The following PGBD5 variants were observed in gnomAD, a reference collection of about 807,000 sequenced individuals.
PGBD5 encodes the protein piggyBac transposable element derived 5, also known as piggyBac transposable element-derived protein 5.
Under a neutral mutation model 47.9 loss-of-function variants are expected in PGBD5, and 14 were observed. The ratio of observed to expected loss-of-function variants is 0.29; its 90% CI spans 0.19 to 0.46. The LOEUF (loss-of-function observed/expected upper bound fraction) is 0.46. Ranked by LOEUF, PGBD5 falls within the 20% of genes least tolerant of loss-of-function variation. The pLI, the probability that PGBD5 is intolerant of heterozygous loss-of-function variation, is 1.00. For synonymous variants in PGBD5, 316 were observed against 306.3 expected (o/e 1.03, Z -0.33); for missense variants, 635 against 716.0 (o/e 0.89, Z 1.29).
At chr1:230,345,880 T>G (rs565265603) in intron 3 of PGBD5, among the ~76,000 whole-genome samples, 45 of 152,158 alleles carry the variant, frequency 3.0e-4, no homozygotes, top group Non-Finnish European at 7.3e-5. Context: ...TTTGGTAGGT[T>G]AGGTGTATTA....
At position 230,425,990 on chromosome 1, in the gene PGBD5, C is replaced by T; in HGVS notation, c.-62G>A. 1.2e-6 allele frequency: 1 copy of T among 831,016 alleles called. No individual in the cohort carries two copies. The highest frequency in any genetic ancestry group is 1.4e-6 in the Non-Finnish European group (1 of 691,898). 51.5% of individuals were successfully genotyped at this position (831,016 alleles called of 1,614,324 possible). ...GCCTCCCAGCCGCACACGCCGGGCC[C>T]TGGGCCCGCGCCGCGGCCCGCCGCC... On this transcript the variant is annotated 5_prime_UTR_variant, in exon 1 of 7. Coordinates refer to ENST00000391860, the MANE Select transcript of PGBD5 (RefSeq NM_001258311.2). The surrounding 1 kb of genome is among the most constrained non-coding windows in gnomAD (Gnocchi z 4.7).
At chr1:230,326,481 T>G (rs1256028826) in intron 5 of PGBD5, among the ~76,000 whole-genome samples, 1 of 152,136 alleles carries the variant, frequency 6.6e-6, no homozygotes, top group South Asian at 2.1e-4. Context: ...TTTTTAGATA[T>G]GAGGTCTTGC....
At chr1:230,399,061 G>C (rs1194901322) in intron 1 of PGBD5, among the ~76,000 whole-genome samples, 4 of 151,434 alleles carry the variant, frequency 2.6e-5, no homozygotes, top group Admixed American at 2.6e-4. Flanking sequence ...GTTACTAAGG[G>C]GGGGTGGCTA....
intron 1 of PGBD5, among the ~76,000 whole-genome samples, chr1:230,408,753 T>C (rs1657349659): frequency 6.6e-6 from 1 of 152,108 alleles, no homozygotes; most frequent in African/African-American, 2.4e-5. Flanking sequence ...ATGATCAAGC[T>C]CTTAGAAGAA....
At chr1:230,358,902 A>C (rs1308832136) in intron 1 of PGBD5, among the ~76,000 whole-genome samples, 1 of 152,180 alleles carries the variant, frequency 6.6e-6, no homozygotes, top group Non-Finnish European at 1.5e-5. Context: ...ATTTCTCAGA[A>C]TGTATCTCTG....
intron 3 of PGBD5, among the ~76,000 whole-genome samples, chr1:230,350,670 G>A (rs956194331): frequency 1.1e-4 from 16 of 152,168 alleles, no homozygotes; most frequent in African/African-American, 3.1e-4. Flanking sequence ...ACATTGCTAC[G>A]GCCTGAGCCT....
At chr1:230,349,979 C>T (rs768842419) in intron 3 of PGBD5, among the ~76,000 whole-genome samples, 43 of 151,558 alleles carry the variant, frequency 2.8e-4, no homozygotes, top group Admixed American at 1.0e-3. Context: ...GACATTTTCC[C>T]GGAGCAAGCG....
At chr1:230,359,072 CT>C (rs543587301) in intron 1 of PGBD5, among the ~76,000 whole-genome samples, 173 of 146,522 alleles carry the variant, frequency 1.2e-3, no homozygotes, top group Non-Finnish European at 1.9e-3. Flanking sequence ...TTTTTCTTTT[CT>C]TTTTTTTTTT....
rs1312505654 is a variant in PGBD5 at position 230,314,579 on chromosome 1, ATCTT to A, written c.*8842_*8845del. ...CCACATGACAAAATGCTTGAATTAA[ATCTT>A]TTTTTTTTTTTTTTTTTTTTTTGCC... On this transcript the variant is annotated 3_prime_UTR_variant, in exon 7 of 7. Transcript: ENST00000391860. 2.1e-3 allele frequency: 264 copies of A among 123,370 alleles called. No homozygotes were observed. Among genetic ancestry groups the A allele is most frequent in the African/African-American group, 6.9e-3 (230 of 33,334 alleles). The allele number at this position is 123,370 out of a possible 1,614,324, so 7.6% of individuals were successfully genotyped here. A position where few individuals can be genotyped will look rare whatever the true frequency, so the allele number is the denominator to read the frequency against.
Position 230,323,411 on chromosome 1 carries a change from C to T in PGBD5, c.*14G>A, listed in dbSNP as rs774164918. ...CTCTTGCCCCTCCCTTGACCGAGTC[C>T]TGCGCCCCCAGCATCAGTGGGTCGG... is the stretch of plus-strand genomic sequence containing the variant. On this transcript the variant is annotated 3_prime_UTR_variant, in exon 7 of 7. Transcript: ENST00000391860. This position sits in a 1 kb window ranked among gnomAD's most constrained non-coding sequence, Gnocchi z 4.1. 1 of 1,609,770 alleles carries T rather than the reference C, an allele frequency of 6.2e-7. No individual in the cohort carries two copies. The highest frequency in any genetic ancestry group is 8.5e-7 in the Non-Finnish European group (1 of 1,178,008).
chr1:230,372,134 T>A (rs1667938440), intron 1 of PGBD5, among the ~76,000 whole-genome samples: 1 of 152,322 alleles, frequency 6.6e-6, no homozygotes, highest in East Asian at 1.9e-4. Context: ...AGCAAATGCA[T>A]TTCTAATGTC....
chr1:230,337,589 G>A (rs1667347274), intron 3 of PGBD5, among the ~76,000 whole-genome samples: 1 of 152,114 alleles, frequency 6.6e-6, no homozygotes, highest in Non-Finnish European at 1.5e-5. Context: ...TTCAAACACA[G>A]GAATGATTTA....
At position 230,317,936 on chromosome 1, in the gene PGBD5, G is replaced by C. The variant is rs1358642359; in HGVS notation, c.*5489C>G. 6.6e-6 allele frequency: 1 copy of C among 152,146 alleles called. No individual in the cohort carries two copies. Among genetic ancestry groups the C allele is most frequent in the Non-Finnish European group, 1.5e-5 (1 of 68,044 alleles). 9.4% of individuals were successfully genotyped at this position (152,146 alleles called of 1,614,324 possible). A position where few individuals can be genotyped will look rare whatever the true frequency, so the allele number is the denominator to read the frequency against. ...CTCCTCATTACGACCGTGTATACAT[G>C]GGTATACACGGAAGGGTGAAGGTGC... On this transcript the variant is annotated 3_prime_UTR_variant, in exon 7 of 7. Transcript: ENST00000391860.
rs1397609293 is a variant in PGBD5 at position 230,322,282 on chromosome 1, A to T, written c.*1143T>A. 3 of 152,176 alleles carry T rather than the reference A, an allele frequency of 2.0e-5. No homozygotes were observed. The highest frequency in any genetic ancestry group is 4.4e-5 in the Non-Finnish European group (3 of 68,056). The allele number at this position is 152,176 out of a possible 1,614,324, so 9.4% of individuals were successfully genotyped here. ...AGCAACCGCCTCCGGCCCTCATGTC[A>T]AATCACACCTGACCAGAGTTGTCAC... On this transcript the variant is annotated 3_prime_UTR_variant, in exon 7 of 7. Coordinates refer to ENST00000391860, the MANE Select transcript of PGBD5 (RefSeq NM_001258311.2). The surrounding 1 kb of genome is among the most constrained non-coding windows in gnomAD (Gnocchi z 5.9).
chr1:230,422,128 T>C (rs186684025), intron 1 of PGBD5, among the ~76,000 whole-genome samples: 32 of 151,730 alleles, frequency 2.1e-4, no homozygotes, highest in East Asian at 1.6e-3. Flanking sequence ...ATATATATAT[T>C]TTTCCCTCTC....
chr1:230,347,194 C>A (rs1057277291), intron 3 of PGBD5, among the ~76,000 whole-genome samples: 4 of 152,150 alleles, frequency 2.6e-5, no homozygotes, highest in African/African-American at 7.2e-5. Context: ...CCAGAGGAAG[C>A]CCCCTGTAGT....
intron 3 of PGBD5, among the ~76,000 whole-genome samples, chr1:230,342,105 G>A (rs1013794959): frequency 1.2e-4 from 19 of 152,018 alleles, no homozygotes; most frequent in Non-Finnish European, 2.1e-4. Context: ...ATGCCCCCAC[G>A]ACCTCCAGAG....
At chr1:230,339,151 C>T (rs1362117114) in intron 3 of PGBD5, among the ~76,000 whole-genome samples, 2 of 152,196 alleles carry the variant, frequency 1.3e-5, no homozygotes, top group African/African-American at 4.8e-5. Context: ...AGAACTGCAA[C>T]GTGATAGCTG....
At chr1:230,400,765 C>A (rs1260972224) in intron 1 of PGBD5, among the ~76,000 whole-genome samples, 1 of 152,132 alleles carries the variant, frequency 6.6e-6, no homozygotes, top group Non-Finnish European at 1.5e-5. Context: ...GGATCACTCA[C>A]CAGAGTTCTA....
Sources: allele counts gnomAD v4.1 joint callset (sites outside exome capture counted in the v4.1 genomes callset), GRCh38; gene constraint gnomAD v4.1.1; non-coding constraint Gnocchi (gnomAD v3.1); transcripts MANE v1.5; gene names NCBI Gene and HGNC (gene_info 2026-07-23, HGNC 2026-07-21).